Variants in FSD1L observed in about 807,000 individuals in gnomAD.
FSD1L encodes fibronectin type III and SPRY domain containing 1 like, also known as FSD1-like protein.
FSD1L carries 45 observed loss-of-function variants against 71.6 expected under a neutral mutation model. That is an observed-to-expected ratio of 0.63 (90% CI 0.49 to 0.81). The LOEUF is 0.81. Ranked by LOEUF, FSD1L falls within the 30% of genes least tolerant of loss-of-function variation. The pLI is 0.00. For synonymous variants in FSD1L, 197 were observed against 207.2 expected (o/e 0.95, Z 0.42); for missense variants, 561 against 618.1 (o/e 0.91, Z 0.98).
Position 105,495,184 on chromosome 9 carries a change from C to T in FSD1L, c.586+10682C>T, listed in dbSNP as rs559471636. Among the ~76,000 whole-genome samples, 1,403 of 152,320 alleles carry T rather than the reference C, an allele frequency of 9.2e-3. 22 individuals carry two copies. The highest frequency in any genetic ancestry group is 0.032 in the African/African-American group (1,343 of 41,570). ...TGAGCTTCCCGGCTGCTTTGTTGACCTAAGCAAGCCTGGGCAATGGCGGGT... is the reference window on the plus strand; with the variant it reads ...TGAGCTTCCCGGCTGCTTTGTTGACTTAAGCAAGCCTGGGCAATGGCGGGT... On this transcript the variant is annotated intron_variant, in intron 7 of 13. Coordinates refer to ENST00000481272, the MANE Select transcript of FSD1L (RefSeq NM_001145313.3).
At chr9:105,468,712 C>G (rs1831236539) in intron 4 of FSD1L, among the ~76,000 whole-genome samples, 1 of 151,998 alleles carries the variant, frequency 6.6e-6, no homozygotes, top group Non-Finnish European at 1.5e-5. Flanking sequence ...CCAGGCTGGT[C>G]TCAAACTCCT....
intron 7 of FSD1L, among the ~76,000 whole-genome samples, chr9:105,485,602 A>G (rs1186192780): frequency 1.7e-5 from 2 of 116,388 alleles, no homozygotes; most frequent in African/African-American, 6.6e-5. Context: ...TGGTGATTTG[A>G]GGGATCAAGG....
intron 7 of FSD1L, among the ~76,000 whole-genome samples, chr9:105,485,533 GTTTTTTTT>G (rs34268568): frequency 3.8e-5 from 3 of 79,406 alleles, no homozygotes; most frequent in Non-Finnish European, 7.0e-5. Flanking sequence ...TTGGTTAGGT[GTTTTTTTT>G]TTTTTTTTTT....
chr9:105,538,773 T>TA lies in FSD1L; in HGVS notation c.1379-483dup, dbSNP rs916655445. ...CAAAATAGCAAGACCCCGCCTCTGT[T>TA]AAAAAAATTAACAAAATTGAAGCAG... On this transcript the variant is annotated intron_variant, in intron 12 of 13. Transcript: ENST00000481272. Among the ~76,000 whole-genome samples, 11 of 152,136 alleles carry TA rather than the reference T, an allele frequency of 7.2e-5. No homozygotes were observed. The South Asian group carries it at 2.1e-3, about 29-fold the overall frequency.
chr9:105,504,645 A>G (rs1229892044), intron 7 of FSD1L, among the ~76,000 whole-genome samples: 2 of 152,192 alleles, frequency 1.3e-5, no homozygotes, highest in African/African-American at 4.8e-5. Flanking sequence ...ACAGATGCTC[A>G]AGTCCCTAAA....
At chr9:105,466,391 A>G (rs1378358663) in intron 3 of FSD1L, among the ~76,000 whole-genome samples, 8 of 152,212 alleles carry the variant, frequency 5.3e-5, no homozygotes, top group Non-Finnish European at 1.2e-4. Flanking sequence ...TCTAAAATGT[A>G]TATAGAACTA....
chr9:105,536,428 T>C lies in FSD1L; in HGVS notation c.1378+1110T>C, dbSNP rs528275977. On this transcript the variant is annotated intron_variant, in intron 12 of 13. Coordinates refer to ENST00000481272, the MANE Select transcript of FSD1L (RefSeq NM_001145313.3). ...TGGCTGTCTAGTATGTCAGTGTTTT[T>C]CTTAAAGGTTGGTCTTAGAGTGGAA... is the stretch of plus-strand genomic sequence containing the variant. Among the ~76,000 whole-genome samples the C allele has an allele frequency of 2.4e-3, 373 of 152,276 alleles. 1 individual carries two copies. The highest frequency in any genetic ancestry group is 4.0e-3 in the Non-Finnish European group (273 of 68,022).
At position 105,448,167 on chromosome 9, in the gene FSD1L, T is replaced by A; in HGVS notation, c.-54T>A. Reference sequence around the variant, plus strand: ...TTGGGGTGTGCGATCTCGCTGAGCCTCCTCACACGGTTCGTCGTCTCGGGT... The same window carrying A: ...TTGGGGTGTGCGATCTCGCTGAGCCACCTCACACGGTTCGTCGTCTCGGGT... On this transcript the variant is annotated 5_prime_UTR_variant, in exon 1 of 14. Transcript: ENST00000481272. The A allele has an allele frequency of 1.3e-6, 2 of 1,533,394 alleles. No homozygotes were observed. The highest frequency in any genetic ancestry group is 1.8e-6 in the Non-Finnish European group (2 of 1,134,498). The allele number at this position is 1,533,394 out of a possible 1,614,324, so 95.0% of individuals were successfully genotyped here. A position where few individuals can be genotyped will look rare whatever the true frequency, so the allele number is the denominator to read the frequency against.
At chr9:105,461,489 T>A in intron 1 of FSD1L, 31 bp from the exon 2 acceptor site, 1 of 1,142,814 alleles carries the variant, frequency 8.8e-7, no homozygotes, top group Non-Finnish European at 1.2e-6. Flanking sequence ...ATGTGGCTGC[T>A]ATTGGCTCCT....
intron 10 of FSD1L, among the ~76,000 whole-genome samples, chr9:105,517,361 GA>G (rs1163844764): frequency 1.3e-5 from 2 of 152,136 alleles, no homozygotes; most frequent in African/African-American, 4.8e-5. Flanking sequence ...GCAACCCCAA[GA>G]AACCTAATTG....
At chr9:105,447,425 G>A (rs1046932796), upstream of FSD1L, among the ~76,000 whole-genome samples, 1 of 149,532 alleles carries the variant, frequency 6.7e-6, no homozygotes, top group Admixed American at 6.7e-5. Context: ...TGCAAAGTCC[G>A]CATTATTTCT....
intron 1 of FSD1L, among the ~76,000 whole-genome samples, chr9:105,452,670 C>T (rs1830098721): frequency 1.7e-5 from 1 of 59,546 alleles, no homozygotes; most frequent in Non-Finnish European, 3.8e-5. Context: ...TGCCTGCCTG[C>T]CTTCCTTCCT....
chr9:105,474,588 A>C (rs1406130975), intron 5 of FSD1L, among the ~76,000 whole-genome samples: 1 of 152,232 alleles, frequency 6.6e-6, no homozygotes, highest in Non-Finnish European at 1.5e-5. Context: ...GACTTTGGAG[A>C]TTATTACTAG....
chr9:105,453,300 G>A (rs752743616), intron 1 of FSD1L, among the ~76,000 whole-genome samples: 1 of 151,586 alleles, frequency 6.6e-6, no homozygotes, highest in Non-Finnish European at 1.5e-5. Flanking sequence ...TTGTGTCTTC[G>A]CCTCCCTCGT....
intron 12 of FSD1L, among the ~76,000 whole-genome samples, chr9:105,538,311 C>G (rs1008509978): frequency 1.1e-4 from 16 of 152,114 alleles, no homozygotes; most frequent in African/African-American, 3.9e-4. Context: ...TACATTACCT[C>G]AAAATATTAA....
chr9:105,470,981 G>T (rs189409209), intron 4 of FSD1L, among the ~76,000 whole-genome samples: 1 of 152,202 alleles, frequency 6.6e-6, no homozygotes, highest in East Asian at 1.9e-4. Context: ...CTTTGGAATG[G>T]CCTTTAAGCA....
intron 7 of FSD1L, among the ~76,000 whole-genome samples, chr9:105,500,103 C>G (rs1833676186): frequency 6.6e-6 from 1 of 152,176 alleles, no homozygotes; most frequent in African/African-American, 2.4e-5. Flanking sequence ...ATTTTATGCT[C>G]TCTGCTTTCT....
At chr9:105,463,404 G>A (rs1335661826) in intron 2 of FSD1L, among the ~76,000 whole-genome samples, 1 of 152,120 alleles carries the variant, frequency 6.6e-6, no homozygotes, top group Non-Finnish European at 1.5e-5. Context: ...TTTTGCTGTT[G>A]CTACCAATGA....
Position 105,548,091 on chromosome 9 carries a change from C to T in FSD1L, c.*1608C>T, listed in dbSNP as rs1298892424. On this transcript the variant is annotated 3_prime_UTR_variant, in exon 14 of 14. Coordinates refer to ENST00000481272, the MANE Select transcript of FSD1L (RefSeq NM_001145313.3). Reference sequence around the variant, plus strand: ...ATTGGAATATTGTTTTTCTAGAGGACATTCATATCTGCACTATTATCTGAT... The same window carrying T: ...ATTGGAATATTGTTTTTCTAGAGGATATTCATATCTGCACTATTATCTGAT... 6.6e-6 allele frequency: 1 copy of T among 152,052 alleles called. No homozygotes were observed. The highest frequency in any genetic ancestry group is 1.5e-5 in the Non-Finnish European group (1 of 67,966). 9.4% of individuals were successfully genotyped at this position (152,052 alleles called of 1,614,324 possible).
Sources: gnomAD v4.1 joint callset for allele counts (sites outside exome capture counted in the v4.1 genomes callset) on GRCh38, gnomAD v4.1.1 for gene constraint, MANE v1.5 for transcripts, NCBI Gene and HGNC (gene_info 2026-07-23, HGNC 2026-07-21) for gene names.